The following DTNA variants were observed in gnomAD, a reference collection of about 807,000 sequenced individuals.
DTNA encodes the protein dystrophin-related protein 3.
DTNA carries 43 observed loss-of-function variants against 100.7 expected under a neutral mutation model. The observed-to-expected ratio is 0.43, with a 90% CI of 0.33 to 0.55. The LOEUF (loss-of-function observed/expected upper bound fraction) is 0.55, where lower values mean the gene tolerates loss of function less well. Among genes scored for constraint, DTNA ranks in the 20% least tolerant of loss-of-function variants. DTNA has a pLI of 0.04. For missense variants in DTNA, 798 were observed against 953.9 expected, an observed-to-expected ratio of 0.84 and a Z score of 2.15; for synonymous variants, 349 against 347.9, an observed-to-expected ratio of 1.00 and a Z score of -0.04.
chr18:34,525,808 T>C (rs2042559278), intron 1 of DTNA, among the ~76,000 whole-genome samples: 1 of 152,172 alleles, frequency 6.6e-6, no homozygotes, highest in Admixed American at 6.6e-5. Flanking sequence ...AAATTGATTG[T>C]CTACTCAAGA....
chr18:34,861,066 G>GA (rs576767961), intron 16 of DTNA, among the ~76,000 whole-genome samples: 9 of 152,080 alleles, frequency 5.9e-5, no homozygotes, highest in African/African-American at 1.9e-4. Flanking sequence ...TATTTCCTAA[G>GA]AAAAAAATTA....
At chr18:34,557,089 A>G (rs2046139472) in intron 1 of DTNA, among the ~76,000 whole-genome samples, 2 of 150,078 alleles carry the variant, frequency 1.3e-5, no homozygotes, top group African/African-American at 2.5e-5. Flanking sequence ...TTTTCTCTAA[A>G]CTTCCCTTCT....
intron 3 of DTNA, among the ~76,000 whole-genome samples, chr18:34,781,500 G>GC (rs1555791099): frequency 4.0e-5 from 6 of 151,678 alleles, no homozygotes; most frequent in African/African-American, 1.5e-4. Flanking sequence ...GGCCTTAAAA[G>GC]TTTTTTTTAA....
intron 3 of DTNA, among the ~76,000 whole-genome samples, chr18:34,786,087 T>C (rs1213610023): frequency 6.6e-6 from 1 of 152,194 alleles, no homozygotes; most frequent in Non-Finnish European, 1.5e-5. Context: ...TTAAAAGCAA[T>C]TTTTTCTTAA....
Position 34,838,190 on chromosome 18 carries a change from G to T in DTNA, c.1253+19G>T, listed in dbSNP as rs1185219704. 1 of 1,612,950 alleles carries T rather than the reference G, an allele frequency of 6.2e-7. No homozygotes were observed. ...GCAAAGGGTAAGTTACAGCCAGAGTGTACTGGAACCCTGCATTAACTAAAC... is the reference window on the plus strand; with the variant it reads ...GCAAAGGGTAAGTTACAGCCAGAGTTTACTGGAACCCTGCATTAACTAAAC... On this transcript the variant is annotated intron_variant, in intron 12 of 22. Coordinates refer to ENST00000444659, the MANE Select transcript of DTNA (RefSeq NM_001386795.1).
At chr18:34,797,775 A>T (rs1568557413) in intron 4 of DTNA, among the ~76,000 whole-genome samples, 1 of 152,160 alleles carries the variant, frequency 6.6e-6, no homozygotes, top group Non-Finnish European at 1.5e-5. Context: ...GTCATGGTCA[A>T]GTTGATCACC....
intron 1 of DTNA, among the ~76,000 whole-genome samples, chr18:34,726,153 G>C (rs756521260): frequency 9.2e-5 from 14 of 151,944 alleles, no homozygotes; most frequent in Non-Finnish European, 1.9e-4. Context: ...TGTAAATGAC[G>C]AGTTCATAGG....
At chr18:34,558,675 A>G (rs61176699) in intron 1 of DTNA, among the ~76,000 whole-genome samples, 2,217 of 152,284 alleles carry the variant, frequency 0.015, 55 homozygotes, top group African/African-American at 0.049. Context: ...TTTACATTCA[A>G]TGGTCCAGAA....
At chr18:34,766,158 T>C in intron 3 of DTNA, 117 bp downstream of exon 3, 1 of 1,199,734 alleles carries the variant, frequency 8.3e-7, no homozygotes, top group South Asian at 1.3e-5. Context: ...TATATATGTT[T>C]ACACAACAAT....
At chr18:34,700,481 T>G (rs1039854542) in intron 1 of DTNA, among the ~76,000 whole-genome samples, 16 of 152,204 alleles carry the variant, frequency 1.1e-4, no homozygotes, top group Non-Finnish European at 4.4e-5. Context: ...TTTTCTTCCT[T>G]ACTTGCTTCT....
Position 34,815,886 on chromosome 18 carries a change from T to G in DTNA, c.604-23T>G. The G allele has an allele frequency of 3.7e-6, 6 of 1,601,070 alleles. No homozygotes were observed. In the South Asian group the frequency reaches 6.6e-5, roughly 18 times the overall value. On this transcript the variant is annotated intron_variant, in intron 6 of 22. Coordinates refer to ENST00000444659, the MANE Select transcript of DTNA (RefSeq NM_001386795.1). ...ATTGAGATGATTCTCTGTCCTAAAT[T>G]TATGGGGGGTTTTTTTATGCAGAAA...
At chr18:34,509,534 G>T (rs911086901) in intron 1 of DTNA, among the ~76,000 whole-genome samples, 10 of 152,050 alleles carry the variant, frequency 6.6e-5, no homozygotes, top group South Asian at 4.1e-4. Context: ...TATCATAAGA[G>T]TGTATACAAA....
intron 1 of DTNA, among the ~76,000 whole-genome samples, chr18:34,680,301 T>TTGG (rs2077924387): frequency 6.6e-6 from 1 of 152,138 alleles, no homozygotes; most frequent in South Asian, 2.1e-4. Context: ...GAGCCTAAAA[T>TTGG]TGGTGGTTTA....
chr18:34,532,798 T>A (rs1032632910), intron 1 of DTNA, among the ~76,000 whole-genome samples: 1 of 151,314 alleles, frequency 6.6e-6, no homozygotes, highest in Non-Finnish European at 1.5e-5. Context: ...ATAGAACGAA[T>A]AGATTTTAAA....
chr18:34,683,822 G>A (rs2078465791), intron 1 of DTNA: 1 of 151,858 alleles, frequency 6.6e-6, no homozygotes, highest in Admixed American at 6.6e-5. Flanking sequence ...TTTGGAAATA[G>A]GATTTTATAA....
At chr18:34,879,457 C>T (rs1568887598) in intron 19 of DTNA, 94 bp from the exon 20 acceptor site, 7 of 1,255,982 alleles carry the variant, frequency 5.6e-6, no homozygotes, top group East Asian at 2.4e-5. Context: ...ACATTTTACA[C>T]AGCACAGGTT....
intron 1 of DTNA, among the ~76,000 whole-genome samples, chr18:34,651,621 T>C (rs1599612095): frequency 6.6e-6 from 1 of 152,214 alleles, no homozygotes; most frequent in Admixed American, 6.5e-5. Context: ...GCAAGGTCTC[T>C]GCATTTATAG....
rs549002779 is a variant in DTNA at position 34,867,428 on chromosome 18, T to C, written c.1743+3366T>C. On this transcript the variant is annotated intron_variant, in intron 17 of 22. Coordinates refer to ENST00000444659, the MANE Select transcript of DTNA (RefSeq NM_001386795.1). Reference sequence around the variant, plus strand: ...CCCTGGGTGAAGGACACATAACACATACAGCCTGTATAATTGCCCATGAAT... The same window carrying C: ...CCCTGGGTGAAGGACACATAACACACACAGCCTGTATAATTGCCCATGAAT... 520 of 1,226,798 alleles carry C rather than the reference T, an allele frequency of 4.2e-4. 5 individuals are homozygous for C. In the South Asian group the frequency reaches 0.019, roughly 46 times the overall value. 76.0% of individuals were successfully genotyped at this position (1,226,798 alleles called of 1,614,324 possible).
At chr18:34,690,594 A>G (rs1015795363) in intron 1 of DTNA, among the ~76,000 whole-genome samples, 3 of 152,192 alleles carry the variant, frequency 2.0e-5, no homozygotes, top group Non-Finnish European at 4.4e-5. Context: ...TCTTGCCACA[A>G]TGGGAGATTT....
Sources: gnomAD v4.1 joint callset for allele counts (sites outside exome capture counted in the v4.1 genomes callset) on GRCh38, gnomAD v4.1.1 for gene constraint, MANE v1.5 for transcripts, NCBI Gene and HGNC (gene_info 2026-07-23, HGNC 2026-07-21) for gene names.